Variants in TAMM41 observed in about 807,000 individuals in gnomAD.
TAMM41 encodes TAM41 mitochondrial translocator assembly and maintenance homolog.
TAMM41 carries 36 observed loss-of-function variants against 44.1 expected under a neutral mutation model. The observed-to-expected ratio is 0.82, with a 90% confidence interval of 0.63 to 1.08. The LOEUF (loss-of-function observed/expected upper bound fraction) is 1.08, where lower values mean the gene tolerates loss of function less well. TAMM41 is among the 50% of genes least tolerant of loss of function. The pLI, the probability that TAMM41 is intolerant of heterozygous loss-of-function variation, is 0.00. For missense variants in TAMM41, 417 were observed against 404.3 expected, an observed-to-expected ratio of 1.03 and a Z score of -0.27; for synonymous variants, 164 against 153.1, an observed-to-expected ratio of 1.07 and a Z score of -0.53.
the TAMM41 span, among the ~76,000 whole-genome samples, chr3:11,739,086 T>C: frequency 2.6e-5 from 4 of 152,194 alleles, no homozygotes; most frequent in African/African-American, 9.7e-5. Context: ...CTTTGGTGTA[T>C]GCAGGGCAGT....
At chr3:11,757,244 A>T in the TAMM41 span, among the ~76,000 whole-genome samples, 1 of 152,190 alleles carries the variant, frequency 6.6e-6, no homozygotes, top group African/African-American at 2.4e-5. Context: ...GAATAAGTGG[A>T]AACATTTTAC....
At chr3:11,845,235 G>A in intron 1 of TAMM41, 1 of 330,510 alleles carries the variant, frequency 3.0e-6, no homozygotes, top group Admixed American at 4.3e-5. Context: ...CTGAAGCCAT[G>A]GCAAGATTCC....
At chr3:11,728,516 A>G in the TAMM41 span, among the ~76,000 whole-genome samples, 1 of 152,224 alleles carries the variant, frequency 6.6e-6, no homozygotes, top group East Asian at 1.9e-4. Context: ...CACTCAATAA[A>G]AATTAATCCT....
chr3:11,823,829 CTT>C (rs35092715), intron 4 of TAMM41, among the ~76,000 whole-genome samples: 7 of 117,902 alleles, frequency 5.9e-5, no homozygotes, highest in Non-Finnish European at 6.7e-5. Context: ...CCATGCCCGG[CTT>C]TTTTTTTTTT....
chr3:11,783,794 C>T, the TAMM41 span, among the ~76,000 whole-genome samples: 1 of 152,174 alleles, frequency 6.6e-6, no homozygotes, highest in Admixed American at 6.5e-5. Flanking sequence ...GGATTCAGAC[C>T]ATTCAAACAT....
the TAMM41 span, among the ~76,000 whole-genome samples, chr3:11,763,183 T>G: frequency 2.0e-5 from 3 of 152,248 alleles, no homozygotes; most frequent in Admixed American, 2.0e-4. Context: ...CTGTCACCCA[T>G]GCTGCAGTGC....
chr3:11,738,110 C>T, the TAMM41 span, among the ~76,000 whole-genome samples: 1 of 152,170 alleles, frequency 6.6e-6, no homozygotes, highest in Admixed American at 6.5e-5. Flanking sequence ...AGATGAGCCA[C>T]GACTTGAACA....
At chr3:11,815,053 T>A (rs1185324362) in intron 5 of TAMM41, among the ~76,000 whole-genome samples, 1 of 152,102 alleles carries the variant, frequency 6.6e-6, no homozygotes, top group African/African-American at 2.4e-5. Flanking sequence ...GAAGGAAAAT[T>A]ATCTCCACCC....
At chr3:11,815,843 C>T (rs945249220) in intron 5 of TAMM41, among the ~76,000 whole-genome samples, 11 of 152,106 alleles carry the variant, frequency 7.2e-5, no homozygotes, top group Admixed American at 6.5e-5. Flanking sequence ...TCAGAAGAAT[C>T]AGCTATAGAG....
At chr3:11,765,540 C>T in the TAMM41 span, among the ~76,000 whole-genome samples, 55 of 152,248 alleles carry the variant, frequency 3.6e-4, no homozygotes, top group East Asian at 8.5e-3. Flanking sequence ...GTTTCAAATC[C>T]TCAGGATACC....
intron 2 of TAMM41, chr3:11,843,792 T>C (rs1336727427): frequency 2.0e-6 from 1 of 494,090 alleles, no homozygotes; most frequent in African/African-American, 1.9e-5. Context: ...TAATGGGACA[T>C]GAGGAAGGAC....
At chr3:11,844,259 G>T (rs752698503) in intron 1 of TAMM41, 48 bp from the exon 2 acceptor site, 2 of 1,570,810 alleles carry the variant, frequency 1.3e-6, no homozygotes, top group Non-Finnish European at 1.7e-6. Flanking sequence ...TTCCTAGAAA[G>T]GCAGCAAGAG....
the TAMM41 span, among the ~76,000 whole-genome samples, chr3:11,754,704 ATC>A: frequency 4.3e-5 from 5 of 115,168 alleles, no homozygotes; most frequent in African/African-American, 1.4e-4. Flanking sequence ...CATTTCTCAG[ATC>A]TCTTTTTTTT....
intron 7 of TAMM41, among the ~76,000 whole-genome samples, chr3:11,793,826 C>T (rs1202878660): frequency 1.3e-5 from 2 of 152,122 alleles, no homozygotes; most frequent in Non-Finnish European, 2.9e-5. Flanking sequence ...CTGTGACGGG[C>T]ATGAGGGGTA....
chr3:11,761,698 G>C, the TAMM41 span, among the ~76,000 whole-genome samples: 25 of 152,108 alleles, frequency 1.6e-4, no homozygotes, highest in Non-Finnish European at 1.0e-4. Context: ...TGTAATCCCA[G>C]CACTTTGGGA....
At chr3:11,778,917 C>G in the TAMM41 span, among the ~76,000 whole-genome samples, 42 of 152,210 alleles carry the variant, frequency 2.8e-4, no homozygotes, top group African/African-American at 9.4e-4. Flanking sequence ...TTAGGTTAGC[C>G]TTTCACTTTT....
intron 4 of TAMM41, among the ~76,000 whole-genome samples, chr3:11,819,987 G>A (rs1034660467): frequency 6.6e-5 from 10 of 151,902 alleles, no homozygotes; most frequent in African/African-American, 2.2e-4. Context: ...ACTGCCTCTC[G>A]GTATTAGGGT....
chr3:11,776,162 C>T, the TAMM41 span, among the ~76,000 whole-genome samples: 24 of 151,598 alleles, frequency 1.6e-4, no homozygotes, highest in Non-Finnish European at 2.4e-4. Context: ...TACAGGCGCC[C>T]GCCACCACGC....
At chr3:11,844,910 A>G (rs1376895637) in intron 1 of TAMM41, 4 of 456,612 alleles carry the variant, frequency 8.8e-6, no homozygotes, top group African/African-American at 2.0e-5. Context: ...CATAGGGATC[A>G]GATCAGGGGC....
Sources: allele counts gnomAD v4.1 joint callset (sites outside exome capture counted in the v4.1 genomes callset), GRCh38; gene constraint gnomAD v4.1.1; transcripts MANE v1.5; gene names NCBI Gene and HGNC (gene_info 2026-07-23, HGNC 2026-07-21).